The following PCDH15 variants were observed in gnomAD, a reference collection of about 807,000 sequenced individuals.
The protein encoded by PCDH15 is protocadherin-15.
In PCDH15, 129 loss-of-function variants were observed where a neutral mutation model predicts 178.5. The observed-to-expected ratio is 0.72, with a 90% confidence interval of 0.63 to 0.84. PCDH15 has a LOEUF of 0.84. Ranked by LOEUF, PCDH15 falls within the 40% of genes least tolerant of loss-of-function variation. The pLI is 0.00. For synonymous variants in PCDH15, 800 were observed against 732.0 expected (o/e 1.09, Z -1.50); for missense variants, 2,230 against 2,099.9 (o/e 1.06, Z -1.21).
chr10:54,718,502 G>T (rs1218232360), intron 1 of PCDH15, among the ~76,000 whole-genome samples: 1 of 151,774 alleles, frequency 6.6e-6, no homozygotes, highest in Non-Finnish European at 1.5e-5. Context: ...CAGAACCAAA[G>T]CCAGAAGGAC....
chr10:54,255,665 A>G (rs536597963), intron 8 of PCDH15, among the ~76,000 whole-genome samples: 48 of 152,310 alleles, frequency 3.2e-4, no homozygotes, highest in African/African-American at 1.1e-3. Flanking sequence ...AGCAATAAAT[A>G]GGCTGGCAAT....
chr10:54,066,696 T>G (rs2094142316), intron 18 of PCDH15, 61 bp downstream of exon 18: 9 of 1,533,446 alleles, frequency 5.9e-6, no homozygotes, highest in Non-Finnish European at 8.1e-6. Flanking sequence ...AGAATTAAAA[T>G]GTAATAAACT....
intron 3 of PCDH15, among the ~76,000 whole-genome samples, chr10:54,867,548 G>A (rs911160083): frequency 3.2e-4 from 48 of 151,994 alleles, no homozygotes; most frequent in Admixed American, 1.2e-3. Context: ...TACATAGGAC[G>A]TGGCAAGGGG....
intron 2 of PCDH15, among the ~76,000 whole-genome samples, chr10:55,356,563 A>C (rs887758029): frequency 3.3e-5 from 5 of 151,952 alleles, no homozygotes. Context: ...TATGCTGAAC[A>C]AAAGAAACAC....
chr10:55,617,378 C>G (rs1442627545), intron 2 of PCDH15, among the ~76,000 whole-genome samples: 1 of 151,978 alleles, frequency 6.6e-6, no homozygotes, highest in Non-Finnish European at 1.5e-5. Context: ...TTGCTGCAAA[C>G]AATAAAATAC....
At chr10:54,917,186 G>A (rs561860323) in intron 2 of PCDH15, among the ~76,000 whole-genome samples, 1 of 152,118 alleles carries the variant, frequency 6.6e-6, no homozygotes, top group African/African-American at 2.4e-5. Context: ...CAAAGACTTA[G>A]ATTTGTGTGG....
At chr10:54,889,555 C>T (rs1307244011) in intron 3 of PCDH15, among the ~76,000 whole-genome samples, 1 of 147,720 alleles carries the variant, frequency 6.8e-6, no homozygotes, top group Non-Finnish European at 1.5e-5. Context: ...TACAGAGGCT[C>T]TTTAATTCTC....
At chr10:54,999,412 T>C (rs1438342910) in intron 2 of PCDH15, among the ~76,000 whole-genome samples, 1 of 152,260 alleles carries the variant, frequency 6.6e-6, no homozygotes, top group African/African-American at 2.4e-5. Context: ...CAAGGTAACT[T>C]AATTCAGTCC....
intron 8 of PCDH15, among the ~76,000 whole-genome samples, chr10:54,267,976 T>C (rs2057800134): frequency 6.6e-6 from 1 of 151,774 alleles, no homozygotes; most frequent in Non-Finnish European, 1.5e-5. Flanking sequence ...GCCAACACAA[T>C]CTTAAGCTAA....
intron 2 of PCDH15, among the ~76,000 whole-genome samples, chr10:55,350,482 A>G (rs1473047605): frequency 6.6e-6 from 1 of 151,812 alleles, no homozygotes; most frequent in African/African-American, 2.4e-5. Flanking sequence ...GAAGATAGAT[A>G]AATAGATTAT....
intron 17 of PCDH15, among the ~76,000 whole-genome samples, chr10:54,069,686 T>G (rs974044622): frequency 6.6e-6 from 1 of 152,038 alleles, no homozygotes; most frequent in African/African-American, 2.4e-5. Flanking sequence ...TATAAATTAG[T>G]TAGGTGTAAA....
At chr10:54,885,915 A>C (rs2131810792) in intron 3 of PCDH15, among the ~76,000 whole-genome samples, 1 of 152,266 alleles carries the variant, frequency 6.6e-6, no homozygotes, top group South Asian at 2.1e-4. Flanking sequence ...CGCTTTCCTT[A>C]TTAAATTTTC....
rs57024579 is a variant in PCDH15, at chr10:54,189,925, A to ATGTGTGTG, written c.1306-4665_1306-4658dup. Among the ~76,000 whole-genome samples, 1,081 of 141,552 alleles carry ATGTGTGTG rather than the reference A, an allele frequency of 7.6e-3. 11 individuals carry two copies. Among genetic ancestry groups the ATGTGTGTG allele is most frequent in the Admixed American group, 0.012 (172 of 14,106 alleles). 92.9% of individuals were successfully genotyped at this position (141,552 alleles called of 152,430 possible). On this transcript the variant is annotated intron_variant, in intron 11 of 37. Transcript: ENST00000644397. ...TTCATATATGTATACATGCATGTGT[A>ATGTGTGTG]TGTGTGTGTGTGTGTGTGTGTGTGT... is the stretch of plus-strand genomic sequence containing the variant.
At chr10:54,513,613 C>G (rs1194964281) in intron 3 of PCDH15, among the ~76,000 whole-genome samples, 1 of 152,106 alleles carries the variant, frequency 6.6e-6, no homozygotes, top group Non-Finnish European at 1.5e-5. Context: ...AAGAATCACA[C>G]TATGTATTTT....
intron 1 of PCDH15, among the ~76,000 whole-genome samples, chr10:54,672,659 T>C (rs2135522647): frequency 6.6e-6 from 1 of 152,298 alleles, no homozygotes; most frequent in Admixed American, 6.5e-5. Flanking sequence ...TAAATGAGCT[T>C]TGTAAAACAA....
chr10:55,416,841 C>A (rs1214244753), intron 2 of PCDH15, among the ~76,000 whole-genome samples: 1 of 151,686 alleles, frequency 6.6e-6, no homozygotes, highest in African/African-American at 2.4e-5. Context: ...CACTACAGAA[C>A]AAACAAAATT....
chr10:54,071,863 A>G (rs1688992997), intron 17 of PCDH15, among the ~76,000 whole-genome samples: 1 of 152,092 alleles, frequency 6.6e-6, no homozygotes, highest in African/African-American at 2.4e-5. Flanking sequence ...AGTCAACAAG[A>G]TTCACTATAT....
At chr10:55,126,728 T>C (rs1412754049) in intron 2 of PCDH15, among the ~76,000 whole-genome samples, 1 of 152,048 alleles carries the variant, frequency 6.6e-6, no homozygotes, top group African/African-American at 2.4e-5. Context: ...GACATAGATA[T>C]CAGTTGATAT....
intron 1 of PCDH15, among the ~76,000 whole-genome samples, chr10:55,228,088 T>A (rs1198495436): frequency 6.6e-6 from 1 of 152,098 alleles, no homozygotes; most frequent in Non-Finnish European, 1.5e-5. Flanking sequence ...GCACTGTATT[T>A]ATTTCAATTT....
Sources: allele counts gnomAD v4.1 joint callset (sites outside exome capture counted in the v4.1 genomes callset), GRCh38; gene constraint gnomAD v4.1.1; transcripts MANE v1.5; gene names NCBI Gene and HGNC (gene_info 2026-07-23, HGNC 2026-07-21).